Variants in CRACR2A observed in about 807,000 individuals in gnomAD.
CRACR2A encodes the protein calcium release activated channel regulator 2A, also known as EF-hand calcium-binding domain-containing protein 4B.
In CRACR2A, 79 loss-of-function variants were observed where a neutral mutation model predicts 90.5. The observed-to-expected ratio is 0.87, with a 90% CI of 0.73 to 1.05. The LOEUF (loss-of-function observed/expected upper bound fraction) is 1.05, where lower values mean the gene tolerates loss of function less well. Ranked by LOEUF, CRACR2A falls within the 50% of genes least tolerant of loss-of-function variation. The pLI, the probability that CRACR2A is intolerant of heterozygous loss-of-function variation, is 0.00. For missense variants in CRACR2A, 823 were observed against 897.2 expected (o/e 0.92, Z 1.06); for synonymous variants, 338 against 356.7 (o/e 0.95, Z 0.59).
chr12:3,697,887 GA>G lies in CRACR2A; in HGVS notation c.-36-853del, dbSNP rs369373635. Reference sequence around the variant, plus strand: ...CTTCAATCAGACTTTTAAAGACCCTGAAGGAGTGTTTTCAGAGGGTGTCTTG... The same window carrying G: ...CTTCAATCAGACTTTTAAAGACCCTGAGGAGTGTTTTCAGAGGGTGTCTTG... On this transcript the variant is annotated intron_variant, in intron 3 of 19. Coordinates refer to ENST00000440314, the MANE Select transcript of CRACR2A (RefSeq NM_001144958.2). 1.1e-4 allele frequency among the ~76,000 whole-genome samples: 17 copies of G among 152,314 alleles called. No homozygotes were observed. The East Asian group carries it at 3.3e-3, about 29-fold the overall frequency.
chr12:3,720,138 A>G (rs1212814644), intron 2 of CRACR2A, among the ~76,000 whole-genome samples: 18 of 107,910 alleles, frequency 1.7e-4, no homozygotes, highest in East Asian at 1.7e-3. Flanking sequence ...AAGAAAGAAA[A>G]AGAAAAGAAA....
intron 2 of CRACR2A, among the ~76,000 whole-genome samples, chr12:3,713,740 G>A (rs996607486): frequency 5.3e-5 from 8 of 152,190 alleles, no homozygotes; most frequent in African/African-American, 1.7e-4. Flanking sequence ...AAGCATTGTG[G>A]CAAGAATCAC....
chr12:3,739,801 G>A (rs147628382), intron 1 of CRACR2A, among the ~76,000 whole-genome samples: 3 of 152,128 alleles, frequency 2.0e-5, no homozygotes, highest in Non-Finnish European at 4.4e-5. Flanking sequence ...GGACATGGTG[G>A]TGCGTACCTG....
chr12:3,660,863 C>G (rs1437183239), intron 7 of CRACR2A, among the ~76,000 whole-genome samples: 3 of 146,610 alleles, frequency 2.0e-5, no homozygotes, highest in Non-Finnish European at 4.5e-5. Flanking sequence ...CACACACACA[C>G]ACACACACAC....
intron 2 of CRACR2A, among the ~76,000 whole-genome samples, chr12:3,714,666 T>G (rs1465037144): frequency 3.3e-5 from 5 of 152,274 alleles, no homozygotes; most frequent in Non-Finnish European, 7.3e-5. Flanking sequence ...AATTTTCTGA[T>G]ATTTTTATTA....
At chr12:3,645,206 G>T (rs1157332862) in intron 11 of CRACR2A, among the ~76,000 whole-genome samples, 1 of 152,188 alleles carries the variant, frequency 6.6e-6, no homozygotes, top group African/African-American at 2.4e-5. Context: ...GCCAGAGTGT[G>T]GAGTAGTATT....
At chr12:3,672,659 C>T (rs969275445) in intron 7 of CRACR2A, 2 of 657,572 alleles carry the variant, frequency 3.0e-6, no homozygotes, top group Non-Finnish European at 3.8e-6. Flanking sequence ...CAGCACAGTG[C>T]CCATAACCAT....
intron 15 of CRACR2A, 64 bp from the exon 16 acceptor site, chr12:3,627,770 GA>G (rs1944293997): frequency 1.4e-6 from 2 of 1,456,376 alleles, no homozygotes; most frequent in Non-Finnish European, 1.9e-6. Context: ...TCCAAATCAG[GA>G]AACAATGCTT....
chr12:3,617,133 C>G, intron 18 of CRACR2A, 103 bp from the exon 19 acceptor site: 1 of 802,628 alleles, frequency 1.2e-6, no homozygotes. Context: ...GCCTTCACTT[C>G]CTCTCGCAGC....
chr12:3,631,223 T>G (rs1944370438), intron 15 of CRACR2A, among the ~76,000 whole-genome samples: 1 of 152,176 alleles, frequency 6.6e-6, no homozygotes, highest in Non-Finnish European at 1.5e-5. Flanking sequence ...ACTTTTGATA[T>G]TTTTTCCCCT....
intron 2 of CRACR2A, among the ~76,000 whole-genome samples, chr12:3,724,765 G>A (rs1340296044): frequency 1.3e-5 from 2 of 152,184 alleles, no homozygotes; most frequent in African/African-American, 4.8e-5. Flanking sequence ...GGGAGGGGTG[G>A]AGTGCACCCT....
chr12:3,644,720 A>C (rs192674341), intron 11 of CRACR2A, 80 bp from the exon 12 acceptor site: 2 of 1,308,906 alleles, frequency 1.5e-6, no homozygotes. Context: ...TGCTATTCAG[A>C]TGGGTGCAGG....
At chr12:3,656,278 C>A in intron 9 of CRACR2A, 33 bp downstream of exon 9, 2 of 1,602,742 alleles carry the variant, frequency 1.2e-6, no homozygotes, top group South Asian at 2.2e-5. Context: ...GAGTGAAGAG[C>A]CAGGTACTCT....
intron 11 of CRACR2A, among the ~76,000 whole-genome samples, chr12:3,646,341 C>A (rs1402692633): frequency 6.6e-6 from 1 of 152,200 alleles, no homozygotes. Flanking sequence ...AACAAACCCA[C>A]ACTTTTGAAG....
intron 1 of CRACR2A, among the ~76,000 whole-genome samples, chr12:3,744,221 G>C (rs1220762022): frequency 6.6e-6 from 1 of 152,208 alleles, no homozygotes; most frequent in Non-Finnish European, 1.5e-5. Context: ...TAGTTGAAAA[G>C]CTTAATTTAA....
rs1241004659 is a variant in CRACR2A at position 3,720,145 on chromosome 12, G to GA, written c.-117-6829dup. Among the ~76,000 whole-genome samples, 8 of 107,148 alleles carry GA rather than the reference G, an allele frequency of 7.5e-5. No individual in the cohort carries two copies. In the East Asian group the frequency reaches 1.9e-3, roughly 26 times the overall value. The allele number at this position is 107,148 out of a possible 152,430, so 70.3% of individuals were successfully genotyped here. On this transcript the variant is annotated intron_variant, in intron 2 of 19. Transcript: ENST00000440314. ...AAGAAAGAAAGAAAGAAAAAGAAAAGAAAGAAAGAAAGAGAGAGAGAGAAA... is the reference window on the plus strand; with the variant it reads ...AAGAAAGAAAGAAAGAAAAAGAAAAGAAAAGAAAGAAAGAGAGAGAGAGAAA...
chr12:3,725,511 C>A (rs995467156), intron 2 of CRACR2A, among the ~76,000 whole-genome samples: 1 of 152,166 alleles, frequency 6.6e-6, no homozygotes, highest in Non-Finnish European at 1.5e-5. Context: ...CCAGATAACC[C>A]AGGATGATCT....
chr12:3,639,115 G>C (rs1944513268), intron 13 of CRACR2A, among the ~76,000 whole-genome samples: 1 of 152,198 alleles, frequency 6.6e-6, no homozygotes, highest in Non-Finnish European at 1.5e-5. Context: ...AGACATAGCA[G>C]GTCTGCTGGC....
chr12:3,725,485 T>A (rs1231757958), intron 2 of CRACR2A, among the ~76,000 whole-genome samples: 1 of 152,162 alleles, frequency 6.6e-6, no homozygotes, highest in African/African-American at 2.4e-5. Context: ...CACTTGCCAC[T>A]GAATTCAGGG....
Sources: allele counts gnomAD v4.1 joint callset (sites outside exome capture counted in the v4.1 genomes callset), GRCh38; gene constraint gnomAD v4.1.1; transcripts MANE v1.5; gene names NCBI Gene and HGNC (gene_info 2026-07-23, HGNC 2026-07-21).